The following ERICH6B variants were observed in gnomAD, a reference collection of about 807,000 sequenced individuals.
The protein encoded by ERICH6B is glutamate-rich protein 6B.
ERICH6B carries 69 observed loss-of-function variants against 80.0 expected under a neutral mutation model. The ratio of observed to expected loss-of-function variants is 0.86; its 90% CI spans 0.71 to 1.05. The LOEUF (loss-of-function observed/expected upper bound fraction) is 1.05. Ranked by LOEUF, ERICH6B falls within the 50% of genes least tolerant of loss-of-function variation. ERICH6B has a pLI of 0.00. For missense variants in ERICH6B, 754 were observed against 796.1 expected, an observed-to-expected ratio of 0.95 and a Z score of 0.64; for synonymous variants, 283 against 291.9, an observed-to-expected ratio of 0.97 and a Z score of 0.31.
Position 45,541,537 on chromosome 13 carries a change from G to A in ERICH6B, c.2016C>T (p.Asn672=), listed in dbSNP as rs1208355403. 2 of 1,552,134 alleles carry A rather than the reference G, an allele frequency of 1.3e-6. No individual in the cohort carries two copies. Among genetic ancestry groups the A allele is most frequent in the Middle Eastern group, 1.7e-4 (1 of 5,996 alleles). Residue 672 remains asparagine, a synonymous_variant, in exon 15 of 15, where the codon AAC becomes AAT. Coordinates refer to ENST00000298738, the MANE Select transcript of ERICH6B (RefSeq NM_182542.3). ...GTGATATACTGACGGCCTCTATGAA[G>A]TTTTCCAGATCAGGGGTGGTCGCGT... ...LNYATTPDLE[N]FIEAVSISLM...
At chr13:45,586,518 A>G (rs943272704) in intron 5 of ERICH6B, among the ~76,000 whole-genome samples, 6 of 151,772 alleles carry the variant, frequency 4.0e-5, no homozygotes, top group African/African-American at 1.5e-4. Flanking sequence ...ATTTTGCCGG[A>G]CTCTCTCCTG....
chr13:45,558,780 A>T (rs1480870309), intron 11 of ERICH6B, among the ~76,000 whole-genome samples: 3 of 152,012 alleles, frequency 2.0e-5, no homozygotes, highest in Admixed American at 1.3e-4. Flanking sequence ...CTGGTATGAA[A>T]CCCACTTGAT....
At chr13:45,568,249 T>G in intron 9 of ERICH6B, 66 bp downstream of exon 9, 1 of 1,452,818 alleles carries the variant, frequency 6.9e-7, no homozygotes, top group Non-Finnish European at 9.1e-7. Flanking sequence ...GTTTACACTT[T>G]CCCTGCTGCC....
intron 2 of ERICH6B, among the ~76,000 whole-genome samples, chr13:45,600,712 T>C (rs1044927769): frequency 2.6e-5 from 4 of 152,234 alleles, no homozygotes; most frequent in Non-Finnish European, 5.9e-5. Flanking sequence ...CAGTATTCTA[T>C]TTTGTATATA....
At chr13:45,598,076 G>A (rs1051517834) in intron 2 of ERICH6B, among the ~76,000 whole-genome samples, 2 of 152,132 alleles carry the variant, frequency 1.3e-5, no homozygotes, top group African/African-American at 2.4e-5. Flanking sequence ...TGTCACCTCC[G>A]TTCCATGCCT....
Position 45,615,262 on chromosome 13 carries a change from G to T in ERICH6B, c.-111+423C>A, listed in dbSNP as rs1261127754. Reference sequence around the variant, plus strand: ...CCACAGGAGTCGCTTCGTGGGCAAGGCTGGAGTTTTCGATCTGGGGAATTT... The same window carrying T: ...CCACAGGAGTCGCTTCGTGGGCAAGTCTGGAGTTTTCGATCTGGGGAATTT... On this transcript the variant is annotated intron_variant, in intron 1 of 14. Transcript: ENST00000298738. 5.3e-5 allele frequency among the ~76,000 whole-genome samples: 8 copies of T among 152,186 alleles called. No homozygotes were observed. The East Asian group carries it at 1.2e-3, about 22-fold the overall frequency.
chr13:45,554,719 C>A (rs1874365827), intron 11 of ERICH6B, among the ~76,000 whole-genome samples: 1 of 152,226 alleles, frequency 6.6e-6, no homozygotes, highest in Non-Finnish European at 1.5e-5. Context: ...GAGGCAAGAG[C>A]TTAAAGTGCA....
At chr13:45,613,632 C>G (rs1406614068) in intron 1 of ERICH6B, among the ~76,000 whole-genome samples, 1 of 152,124 alleles carries the variant, frequency 6.6e-6, no homozygotes, top group African/African-American at 2.4e-5. Flanking sequence ...GAGAGGCAGG[C>G]TTGGGACTTG....
intron 5 of ERICH6B, among the ~76,000 whole-genome samples, chr13:45,582,182 GC>G (rs1339036219): frequency 3.3e-5 from 5 of 152,192 alleles, no homozygotes; most frequent in African/African-American, 9.6e-5. Context: ...CTTCTGTTGA[GC>G]CCCCACCAAG....
At chr13:45,573,157 A>G (rs1208063485) in intron 8 of ERICH6B, among the ~76,000 whole-genome samples, 1 of 152,204 alleles carries the variant, frequency 6.6e-6, no homozygotes, top group Non-Finnish European at 1.5e-5. Flanking sequence ...TGCATTGAAT[A>G]CATATATATT....
At chr13:45,551,424 T>G (rs1874216973) in intron 11 of ERICH6B, 1 of 152,226 alleles carries the variant, frequency 6.6e-6, no homozygotes, top group African/African-American at 2.4e-5. Flanking sequence ...CTTCAAGATC[T>G]TCCTCCTACT....
chr13:45,566,455 G>A (rs187334854), intron 9 of ERICH6B, among the ~76,000 whole-genome samples: 2 of 152,354 alleles, frequency 1.3e-5, no homozygotes, highest in African/African-American at 2.4e-5. Context: ...ATGGTTTCAT[G>A]GGCCAGGCCC....
At chr13:45,593,926 A>G (rs1434742345) in intron 3 of ERICH6B, among the ~76,000 whole-genome samples, 1 of 152,194 alleles carries the variant, frequency 6.6e-6, no homozygotes, top group Non-Finnish European at 1.5e-5. Flanking sequence ...ATGCCAATTA[A>G]TGGATAAGGT....
chr13:45,600,633 T>C (rs977819155), intron 2 of ERICH6B, among the ~76,000 whole-genome samples: 1 of 152,228 alleles, frequency 6.6e-6, no homozygotes, highest in African/African-American at 2.4e-5. Flanking sequence ...CCTATTTCAG[T>C]TCAGACAATG....
chr13:45,577,804 G>A (rs1287873541), intron 7 of ERICH6B, among the ~76,000 whole-genome samples: 2 of 152,072 alleles, frequency 1.3e-5, no homozygotes, highest in African/African-American at 4.8e-5. Context: ...TGTTGCCCAG[G>A]CTAGTCTCAA....
chr13:45,563,744 A>T lies in ERICH6B; in HGVS notation c.1232T>A (p.Ile411Asn). ...GTGCCTACCTTCACGTCTCCTCTTAATCCGTAAGATTGTTTCCTTGAACTT... is the reference window on the plus strand; with the variant it reads ...GTGCCTACCTTCACGTCTCCTCTTATTCCGTAAGATTGTTTCCTTGAACTT... Reference protein sequence around the residue: ...YEKFKETILRIKRRREAQKLT... With the variant: ...YEKFKETILRNKRRREAQKLT... Residue 411 changes from isoleucine to asparagine, a missense_variant, in exon 10 of 15, where the codon ATT becomes AAT. By Grantham distance (149) the Ile-to-Asn change is moderately radical (BLOSUM62 -3). Transcript: ENST00000298738. The T allele has an allele frequency of 6.4e-7, 1 of 1,552,288 alleles. No individual in the cohort carries two copies. Among genetic ancestry groups the T allele is most frequent in the Non-Finnish European group, 8.7e-7 (1 of 1,147,128 alleles).
intron 1 of ERICH6B, among the ~76,000 whole-genome samples, chr13:45,611,570 C>T (rs964845680): frequency 2.6e-5 from 4 of 152,288 alleles, no homozygotes; most frequent in Admixed American, 2.6e-4. Flanking sequence ...GCATCTAGAG[C>T]TTTCACTACC....
Position 45,596,382 on chromosome 13 carries a change from T to C in ERICH6B, c.624A>G (p.Lys208=), listed in dbSNP as rs1876368420. 6.5e-7 allele frequency: 1 copy of C among 1,550,346 alleles called. No individual in the cohort carries two copies. The highest frequency in any genetic ancestry group is 8.7e-7 in the Non-Finnish European group (1 of 1,146,550). Residue 208 remains lysine (K), a synonymous_variant, in exon 3 of 15, where the codon AAA becomes AAG. Coordinates refer to ENST00000298738, the MANE Select transcript of ERICH6B (RefSeq NM_182542.3). ...CCAGATACTCACCTTTCAGATACTT[T>C]TTATACAGATTTTCTTTTCCATCCA... The part of the protein sequence containing the change: ...ENLDGKENLY[K]KYLKEPKASY...
intron 8 of ERICH6B, 140 bp from the exon 9 acceptor site, chr13:45,568,591 G>C: frequency 1.2e-6 from 1 of 811,260 alleles, no homozygotes; most frequent in Non-Finnish European, 1.8e-6. Flanking sequence ...ACCAGGGGCA[G>C]GGGGAGGGAG....
Sources: gnomAD v4.1 joint callset for allele counts (sites outside exome capture counted in the v4.1 genomes callset) on GRCh38, gnomAD v4.1.1 for gene constraint, MANE v1.5 for transcripts, NCBI Gene and HGNC (gene_info 2026-07-23, HGNC 2026-07-21) for gene names.